VWA8: variants seen among roughly 807,000 people sequenced by gnomAD.
The protein encoded by VWA8 is von Willebrand factor A domain containing 8, also known as von Willebrand factor A domain-containing protein 8.
VWA8 carries 221 observed loss-of-function variants against 241.5 expected under a neutral mutation model. That is an observed-to-expected ratio of 0.91 (90% confidence interval 0.82 to 1.02). The LOEUF (loss-of-function observed/expected upper bound fraction) is 1.02. VWA8 is among the 50% of genes least tolerant of loss of function. The pLI is 0.00. For synonymous variants in VWA8, 852 were observed against 827.1 expected (o/e 1.03, Z -0.52); for missense variants, 2,322 against 2,328.7 (o/e 1.00, Z 0.06).
chr13:41,935,763 G>GT (rs1236352769), intron 2 of VWA8, among the ~76,000 whole-genome samples: 2,740 of 143,384 alleles, frequency 0.019, 69 homozygotes, highest in Admixed American at 0.078. Flanking sequence ...ATTGTTCGAG[G>GT]TTTTTTTTTT....
chr13:41,699,645 C>A (rs1203265234), intron 28 of VWA8, among the ~76,000 whole-genome samples: 2 of 152,152 alleles, frequency 1.3e-5, no homozygotes, highest in Non-Finnish European at 2.9e-5. Context: ...CAGATGGACA[C>A]CAGTTGGTCA....
At chr13:41,900,040 G>T (rs1875348664) in intron 4 of VWA8, among the ~76,000 whole-genome samples, 1 of 152,122 alleles carries the variant, frequency 6.6e-6, no homozygotes, top group Admixed American at 6.5e-5. Flanking sequence ...GCTCACAGCA[G>T]GCTATTAGCA....
chr13:41,935,788 TATC>T (rs774023737), intron 2 of VWA8, among the ~76,000 whole-genome samples: 7 of 151,768 alleles, frequency 4.6e-5, no homozygotes, highest in Non-Finnish European at 1.0e-4. Flanking sequence ...ACAATAGTGG[TATC>T]ATATCTTATA....
chr13:41,838,198 A>C (rs1346453364), intron 12 of VWA8, among the ~76,000 whole-genome samples: 1 of 152,176 alleles, frequency 6.6e-6, no homozygotes, highest in African/African-American at 2.4e-5. Flanking sequence ...AAATGATCTA[A>C]GCTAATTTTT....
At chr13:41,923,294 G>A (rs1350110018) in intron 2 of VWA8, among the ~76,000 whole-genome samples, 1 of 152,124 alleles carries the variant, frequency 6.6e-6, no homozygotes, top group Non-Finnish European at 1.5e-5. Flanking sequence ...GTGGGGTGGG[G>A]GGAGCGGGGA....
intron 26 of VWA8, among the ~76,000 whole-genome samples, chr13:41,712,309 C>T (rs1392357781): frequency 6.6e-6 from 1 of 152,022 alleles, no homozygotes; most frequent in Non-Finnish European, 1.5e-5. Context: ...CCCCAAATAC[C>T]CTGACTTGAT....
chr13:41,841,860 A>ATATCTATAT (rs1566478209), intron 12 of VWA8, among the ~76,000 whole-genome samples: 2 of 62,662 alleles, frequency 3.2e-5, no homozygotes, highest in African/African-American at 1.7e-4. Flanking sequence ...TATATATATA[A>ATATCTATAT]AAACAGTAGA....
intron 29 of VWA8, among the ~76,000 whole-genome samples, chr13:41,698,026 C>G (rs1194323543): frequency 6.6e-6 from 1 of 152,144 alleles, no homozygotes; most frequent in Non-Finnish European, 1.5e-5. Flanking sequence ...CTCTTCACCT[C>G]TCTAAAATCT....
chr13:41,657,583 G>C (rs1483236224), intron 37 of VWA8, among the ~76,000 whole-genome samples: 2 of 150,078 alleles, frequency 1.3e-5, no homozygotes, highest in African/African-American at 4.9e-5. Flanking sequence ...TCCGCTTCCC[G>C]GGTTCACGCC....
intron 2 of VWA8, among the ~76,000 whole-genome samples, chr13:41,946,774 T>G (rs1488648050): frequency 1.3e-5 from 2 of 152,182 alleles, no homozygotes; most frequent in African/African-American, 2.4e-5. Flanking sequence ...ATATTCTCCC[T>G]CAAGAAGCTG....
At chr13:41,820,926 A>G (rs1307957431) in intron 14 of VWA8, among the ~76,000 whole-genome samples, 1 of 152,166 alleles carries the variant, frequency 6.6e-6, no homozygotes, top group Non-Finnish European at 1.5e-5. Flanking sequence ...TAGTTAGGAC[A>G]AAAAAAGGTA....
At chr13:41,708,964 TTC>T (rs921073171) in intron 26 of VWA8, among the ~76,000 whole-genome samples, 6 of 152,196 alleles carry the variant, frequency 3.9e-5, no homozygotes, top group Admixed American at 1.3e-4. Context: ...AAAAAAAGTC[TTC>T]TCTCTTTCTG....
intron 16 of VWA8, 124 bp downstream of exon 16, chr13:41,816,574 G>C: frequency 1.2e-6 from 1 of 844,852 alleles, no homozygotes; most frequent in Admixed American, 2.6e-5. Context: ...CAAAGGCATA[G>C]CATAAGGGAT....
At position 41,830,632 on chromosome 13, in the gene VWA8, C is replaced by A. The variant is rs930043999; in HGVS notation, c.1597G>T (p.Asp533Tyr). ...CCATCATAGAGGCTTAGCTCTCGAT[C>A]ATGGATTAACCTAACAAGATAAGAA... ...TLAVLQRLIH[D>Y]RELSLYDGSR... Residue 533 changes from aspartate (D) to tyrosine (Y), a missense_variant, in exon 14 of 45, where the codon GAT (aspartate) becomes TAT (tyrosine). Asp to Tyr is a radical substitution (Grantham distance 160). Transcript: ENST00000379310. The A allele has an allele frequency of 6.2e-7, 1 of 1,613,108 alleles. No homozygotes were observed. The highest frequency in any genetic ancestry group is 1.3e-5 in the African/African-American group (1 of 74,992).
At chr13:41,611,437 G>T in intron 39 of VWA8, 139 bp downstream of exon 39, 1 of 1,129,038 alleles carries the variant, frequency 8.9e-7, no homozygotes, top group Non-Finnish European at 1.2e-6. Context: ...GGACGGGGAT[G>T]GCTGTGGATT....
chr13:41,664,389 ATGTGTGTGTGTGTGTGTG>A (rs3073033), intron 37 of VWA8, among the ~76,000 whole-genome samples: 24 of 137,872 alleles, frequency 1.7e-4, no homozygotes, highest in Non-Finnish European at 4.8e-5. Context: ...ACATGCTTTG[ATGTGTGTGTGTGTGTGTG>A]TGTGTGTGTG....
chr13:41,600,579 C>T (rs1039287279), intron 40 of VWA8, among the ~76,000 whole-genome samples: 1 of 151,990 alleles, frequency 6.6e-6, no homozygotes, highest in Non-Finnish European at 1.5e-5. Flanking sequence ...ATACAGATAG[C>T]CATATAAACA....
At chr13:41,872,821 T>C (rs1176849980) in intron 9 of VWA8, among the ~76,000 whole-genome samples, 2 of 152,164 alleles carry the variant, frequency 1.3e-5, no homozygotes, top group African/African-American at 2.4e-5. Context: ...AACTTTAAAG[T>C]AGTTTTTTCC....
intron 40 of VWA8, among the ~76,000 whole-genome samples, chr13:41,601,989 G>A (rs1350336013): frequency 6.6e-6 from 1 of 152,078 alleles, no homozygotes; most frequent in African/African-American, 2.4e-5. Context: ...AAAACAGCTG[G>A]AAGATATTAG....
Sources: allele counts gnomAD v4.1 joint callset (sites outside exome capture counted in the v4.1 genomes callset), GRCh38; gene constraint gnomAD v4.1.1; transcripts MANE v1.5; gene names NCBI Gene and HGNC (gene_info 2026-07-23, HGNC 2026-07-21).